Variants in CCDC42 observed in about 807,000 individuals in gnomAD.
CCDC42 encodes coiled-coil domain-containing protein 42.
CCDC42 carries 38 observed loss-of-function variants against 40.8 expected under a neutral mutation model. That is an observed-to-expected ratio of 0.93 (90% CI 0.72 to 1.22). CCDC42 has a LOEUF of 1.22. Ranked by LOEUF, CCDC42 falls within the 50% of genes most tolerant of loss-of-function variation. The probability of loss-of-function intolerance (pLI) is 0.00; values close to 1 mark genes in which losing one functional copy is unlikely to be tolerated. For synonymous variants in CCDC42, 135 were observed against 157.5 expected, an observed-to-expected ratio of 0.86 and a Z score of 1.07; for missense variants, 379 against 416.5, an observed-to-expected ratio of 0.91 and a Z score of 0.78.
chr17:8,735,081 G>GT lies in CCDC42; in HGVS notation c.873+14dup. On this transcript the variant is annotated intron_variant, in intron 6 of 6. Coordinates refer to ENST00000293845, the MANE Select transcript of CCDC42 (RefSeq NM_144681.3). This position sits in a 1 kb window ranked among gnomAD's most constrained non-coding sequence, Gnocchi z 4.7. ...AGCCGACCCCACGGGCCCAGTGCCT[G>GT]TCCCCTCCTCCTACCATGTCCAGCT... 6.2e-7 allele frequency: 1 copy of GT among 1,613,998 alleles called. No homozygotes were observed. Among genetic ancestry groups the GT allele is most frequent in the Non-Finnish European group, 8.5e-7 (1 of 1,179,950 alleles).
At position 8,743,721 on chromosome 17, in the gene CCDC42, G is replaced by A. The variant is rs956275224; in HGVS notation, c.199C>T (p.Arg67Cys). The change falls in exon 3 of 7, where the codon CGC becomes TGC. Residue 67 changes from arginine (R) to cysteine (C), a missense_variant. Coordinates refer to ENST00000293845, the MANE Select transcript of CCDC42 (RefSeq NM_144681.3). ...CGCAGGTTCAGGGTTTCCATTCTGC[G>A]CTGAAACATCTTTGGGGTGGGGGTG... ...TMVQKKKMFQRRMETLNLRWE... is the reference protein window; with the variant it reads ...TMVQKKKMFQCRMETLNLRWE... 12 of 1,596,690 alleles carry A rather than the reference G, an allele frequency of 7.5e-6. No individual in the cohort carries two copies. Among genetic ancestry groups the A allele is most frequent in the East Asian group, 2.2e-5 (1 of 44,760 alleles).
chr17:8,735,408 G>A lies in CCDC42; in HGVS notation c.696C>T (p.Arg232=). ...ARLQMRFDRA[R]SNVIFWESRW... ...CCCTCACCCAGAAGATGACATTGCT[G>A]CGGGCACGGTCAAAGCGCATCTGCA... Residue 232 remains arginine (R), a synonymous_variant, in exon 5 of 7, where the codon CGC becomes CGT. Transcript: ENST00000293845. The surrounding 1 kb of genome is among the most constrained non-coding windows in gnomAD (Gnocchi z 4.7). 5.6e-6 allele frequency: 9 copies of A among 1,613,958 alleles called. No individual in the cohort carries two copies. Among genetic ancestry groups the A allele is most frequent in the Non-Finnish European group, 5.1e-6 (6 of 1,180,026 alleles).
chr17:8,735,305 GTT>G lies in CCDC42; in HGVS notation c.715-53_715-52del. ...TGAGCACAGCATGTGGTGTGTGTGT[GTT>G]TGTGTGTATGTGTGTGTGTGTATGC... is the stretch of plus-strand genomic sequence containing the variant. On this transcript the variant is annotated intron_variant, in intron 5 of 6. Coordinates refer to ENST00000293845, the MANE Select transcript of CCDC42 (RefSeq NM_144681.3). The surrounding 1 kb of genome is among the most constrained non-coding windows in gnomAD (Gnocchi z 4.7). 2 of 1,611,696 alleles carry G rather than the reference GTT, an allele frequency of 1.2e-6. No homozygotes were observed. The highest frequency in any genetic ancestry group is 1.7e-6 in the Non-Finnish European group (2 of 1,178,030).
intron 6 of CCDC42, among the ~76,000 whole-genome samples, chr17:8,730,487 T>C (rs2086573839): frequency 6.6e-6 from 1 of 152,146 alleles, no homozygotes; most frequent in African/African-American, 2.4e-5. Flanking sequence ...TTACAGGTAC[T>C]TGTGACCATG....
chr17:8,736,463 A>G (rs2152143023), intron 4 of CCDC42, among the ~76,000 whole-genome samples: 1 of 152,270 alleles, frequency 6.6e-6, no homozygotes, highest in African/African-American at 2.4e-5. Flanking sequence ...AAGCCATGAA[A>G]CCCACGCTCT....
intron 6 of CCDC42, among the ~76,000 whole-genome samples, chr17:8,732,124 C>A (rs1469927428): frequency 2.0e-5 from 3 of 152,048 alleles, no homozygotes; most frequent in Non-Finnish European, 4.4e-5. Context: ...CACGGTGAAA[C>A]CCCGTCTCTA....
chr17:8,735,482 C>T lies in CCDC42; in HGVS notation c.622G>A (p.Glu208Lys), dbSNP rs781125276. The change falls in exon 5 of 7, where the codon GAG becomes AAG. Residue 208 changes from glutamate (E) to lysine (K), a missense_variant. By Grantham distance (56) the Glu-to-Lys change is moderately conservative. Coordinates refer to ENST00000293845, the MANE Select transcript of CCDC42 (RefSeq NM_144681.3). This position sits in a 1 kb window ranked among gnomAD's most constrained non-coding sequence, Gnocchi z 4.7. Reference sequence around the variant, plus strand: ...TGCAGGATCTCATCATCCTTTTCCTCCATGTAGCGCGCCAGCCGGGCCTTG... The same window carrying T: ...TGCAGGATCTCATCATCCTTTTCCTTCATGTAGCGCGCCAGCCGGGCCTTG... ...RAKARLARYM[E>K]EKDDEILQQN... The T allele has an allele frequency of 1.9e-6, 3 of 1,614,126 alleles. No individual in the cohort carries two copies. Among genetic ancestry groups the T allele is most frequent in the South Asian group, 2.2e-5 (2 of 91,088 alleles).
In CCDC42 at chr17:8,736,589, G is replaced by A. The variant is rs147851713; in HGVS notation, c.493-978C>T. On this transcript the variant is annotated intron_variant, in intron 4 of 6. Transcript: ENST00000293845. ...TTCCCGAGCACCTTCTCCATCTCGT[G>A]ACATCTCCAGTGATGGATGCGTGTC... Among the ~76,000 whole-genome samples the A allele has an allele frequency of 4.4e-3, 668 of 152,318 alleles. 4 individuals are homozygous for A. The highest frequency in any genetic ancestry group is 0.016 in the South Asian group (77 of 4,828).
chr17:8,743,740 G>C lies in CCDC42; in HGVS notation c.190-10C>G, dbSNP rs1435262721. 3.3e-6 allele frequency: 5 copies of C among 1,520,024 alleles called. No homozygotes were observed. In the East Asian group the frequency reaches 6.8e-5, roughly 21 times the overall value. The allele number at this position is 1,520,024 out of a possible 1,614,324, so 94.2% of individuals were successfully genotyped here. A position where few individuals can be genotyped will look rare whatever the true frequency, so the allele number is the denominator to read the frequency against. On this transcript the variant is annotated splice_polypyrimidine_tract_variant and intron_variant, in intron 2 of 6. Coordinates refer to ENST00000293845, the MANE Select transcript of CCDC42 (RefSeq NM_144681.3). ...TTCTGCGCTGAAACATCTTTGGGGT[G>C]GGGGTGGGAGAGCAGAGAGGTCAGG...
In CCDC42 at chr17:8,744,539, A is replaced by G; in HGVS notation, c.71T>C (p.Leu24Pro). Residue 24 changes from leucine (L) to proline (P), a missense_variant, in exon 1 of 7, where the codon CTG becomes CCG. By Grantham distance (98) the Leu-to-Pro change is moderately conservative (BLOSUM62 -3). Coordinates refer to ENST00000293845, the MANE Select transcript of CCDC42 (RefSeq NM_144681.3). ...CTCAGACACTCACTGGAGCATCTGC[A>G]GCAGCCGCTCCCCATACTGCAGCCG... ...YFRLQYGERL[L>P]QMLQKLPNVE... is the part of the protein sequence containing the mutation. The G allele has an allele frequency of 6.2e-7, 1 of 1,611,680 alleles. No individual in the cohort carries two copies.
At position 8,735,363 on chromosome 17, in the gene CCDC42, G is replaced by C. The variant is rs778272908; in HGVS notation, c.714+27C>G. ...GCCCGCACTCACCCAGTGCCTGGGA[G>C]CCCCCGGCCCGCCCCGGGCCCCTCA... is the stretch of plus-strand genomic sequence containing the variant. On this transcript the variant is annotated intron_variant, in intron 5 of 6. Coordinates refer to ENST00000293845, the MANE Select transcript of CCDC42 (RefSeq NM_144681.3). This position sits in a 1 kb window ranked among gnomAD's most constrained non-coding sequence, Gnocchi z 4.7. 2.5e-6 allele frequency: 4 copies of C among 1,612,418 alleles called. No individual in the cohort carries two copies. In the Admixed American group the frequency reaches 6.7e-5, roughly 27 times the overall value.
At chr17:8,734,991 G>T in intron 6 of CCDC42, 105 bp downstream of exon 6, 1 of 1,242,892 alleles carries the variant, frequency 8.0e-7, no homozygotes, top group Non-Finnish European at 1.1e-6. Context: ...AATTTTGAGA[G>T]TCCCTGCTCT....
chr17:8,743,697 G>A lies in CCDC42; in HGVS notation c.223C>T (p.Arg75Cys), dbSNP rs9893451. The A allele has an allele frequency of 0.031, 49,178 of 1,611,470 alleles. 1,904 individuals carry two copies. The highest frequency in any genetic ancestry group is 0.18 in the African/African-American group (13,789 of 74,778). The change falls in exon 3 of 7, where the codon CGC becomes TGC. Residue 75 changes from arginine to cysteine, a missense_variant. Physicochemically the swap from Arg to Cys is radical, Grantham distance 180. Coordinates refer to ENST00000293845, the MANE Select transcript of CCDC42 (RefSeq NM_144681.3). ...TCCTTAACGCCCAGTTCCTCCCAGC[G>A]CAGGTTCAGGGTTTCCATTCTGCGC... ...FQRRMETLNL[R>C]WEELGVKEAQ... is the part of the protein sequence containing the mutation.
intron 4 of CCDC42, among the ~76,000 whole-genome samples, chr17:8,737,768 C>A (rs2086620520): frequency 6.6e-6 from 1 of 152,270 alleles, no homozygotes; most frequent in Non-Finnish European, 1.5e-5. Flanking sequence ...GTGTGAGGAC[C>A]TTATATGGAC....
intron 3 of CCDC42, among the ~76,000 whole-genome samples, chr17:8,742,827 G>T (rs531677195): frequency 5.9e-5 from 9 of 152,208 alleles, no homozygotes; most frequent in Non-Finnish European, 1.3e-4. Flanking sequence ...AACTCTCTGG[G>T]AATTGAAGCT....
At chr17:8,744,225 A>C in intron 1 of CCDC42, 41 bp from the exon 2 acceptor site, 1 of 1,503,106 alleles carries the variant, frequency 6.7e-7, no homozygotes, top group Non-Finnish European at 9.2e-7. Context: ...GTGTTCTGAC[A>C]TGGGGTAGGC....
intron 6 of CCDC42, among the ~76,000 whole-genome samples, chr17:8,734,793 T>C (rs1240169873): frequency 6.6e-6 from 1 of 152,202 alleles, no homozygotes; most frequent in Non-Finnish European, 1.5e-5. Flanking sequence ...CTCTGTAGAC[T>C]GGGGCTAAAA....
chr17:8,736,997 GAGAAAGGAAGGA>G, intron 4 of CCDC42, among the ~76,000 whole-genome samples: 1 of 128,616 alleles, frequency 7.8e-6, no homozygotes, highest in African/African-American at 2.8e-5. Flanking sequence ...GGGAGGGAGG[GAGAAAGGAAGGA>G]AAAGAAAAAA....
In CCDC42 at chr17:8,743,748, G is replaced by T; in HGVS notation, c.190-18C>A. ...TGAAACATCTTTGGGGTGGGGGTGG[G>T]AGAGCAGAGAGGTCAGGAGGGCTCC... On this transcript the variant is annotated intron_variant, in intron 2 of 6. Coordinates refer to ENST00000293845, the MANE Select transcript of CCDC42 (RefSeq NM_144681.3). 3 of 1,354,174 alleles carry T rather than the reference G, an allele frequency of 2.2e-6. No individual in the cohort carries two copies. Among genetic ancestry groups the T allele is most frequent in the African/African-American group, 1.4e-5 (1 of 69,414 alleles). 83.9% of individuals were successfully genotyped at this position (1,354,174 alleles called of 1,614,324 possible).
Sources: gnomAD v4.1 joint callset for allele counts (sites outside exome capture counted in the v4.1 genomes callset) on GRCh38, gnomAD v4.1.1 for gene constraint, Gnocchi (gnomAD v3.1) non-coding constraint, MANE v1.5 for transcripts, NCBI Gene and HGNC (gene_info 2026-07-23, HGNC 2026-07-21) for gene names.